Variants in MFSD8 observed in about 807,000 individuals in gnomAD.
The protein encoded by MFSD8 is major facilitator superfamily domain containing 8.
In MFSD8, 55 loss-of-function variants were observed where a neutral mutation model predicts 66.4. The observed-to-expected ratio is 0.83, with a 90% CI of 0.67 to 1.04. MFSD8 has a LOEUF of 1.04. Ranked by LOEUF, MFSD8 falls within the 50% of genes least tolerant of loss-of-function variation. MFSD8 has a pLI of 0.00. For synonymous variants in MFSD8, 202 were observed against 212.8 expected, an observed-to-expected ratio of 0.95 and a Z score of 0.44; for missense variants, 550 against 627.6, an observed-to-expected ratio of 0.88 and a Z score of 1.32.
At chr4:127,924,760 C>T (rs564460925) in intron 9 of MFSD8, among the ~76,000 whole-genome samples, 2 of 152,264 alleles carry the variant, frequency 1.3e-5, no homozygotes, top group African/African-American at 4.8e-5. Context: ...TCATACGGAA[C>T]CAAAACAGAG....
At chr4:127,926,068 C>G (rs1382542754) in intron 9 of MFSD8, among the ~76,000 whole-genome samples, 1 of 151,642 alleles carries the variant, frequency 6.6e-6, no homozygotes, top group East Asian at 2.0e-4. Context: ...GGGAACATCA[C>G]ACACAGGGGC....
chr4:127,930,730 C>A lies in MFSD8; in HGVS notation c.951G>T (p.Gly317=). 2 of 1,613,470 alleles carry A rather than the reference C, an allele frequency of 1.2e-6. No individual in the cohort carries two copies. Among genetic ancestry groups the A allele is most frequent in the Non-Finnish European group, 1.7e-6 (2 of 1,179,766 alleles). Reference sequence around the variant, plus strand: ...CTAAGAAAATAACAACGGCTTCAACCCCAAGAGCAGCAAGTATTATGCCAT... The same window carrying A: ...CTAAGAAAATAACAACGGCTTCAACACCAAGAGCAGCAAGTATTATGCCAT... ...LYNGIILAAL[G]VEAVVIFLGV... The change falls in exon 9 of 12, where the codon GGG becomes GGT. Residue 317 remains glycine, a synonymous_variant. Coordinates refer to ENST00000641686, the MANE Select transcript of MFSD8 (RefSeq NM_001371596.2).
chr4:127,958,403 A>C (rs1194101360), intron 1 of MFSD8, among the ~76,000 whole-genome samples: 1 of 152,182 alleles, frequency 6.6e-6, no homozygotes, highest in African/African-American at 2.4e-5. Context: ...ATGTTCCAAG[A>C]TTAATTTCTT....
chr4:127,940,534 A>ATG (rs1739998594), intron 5 of MFSD8, among the ~76,000 whole-genome samples: 1 of 145,766 alleles, frequency 6.9e-6, no homozygotes, highest in African/African-American at 2.6e-5. Flanking sequence ...ATATATATAT[A>ATG]TATATGTGTG....
At position 127,920,180 on chromosome 4, in the gene MFSD8, T is replaced by C. The variant is rs1368572334; in HGVS notation, c.*450A>G. ...AATGCATTTTTTTATAAATAAAAAG[T>C]AGGTGTCTGAATAAAAATACCTCTA... On this transcript the variant is annotated 3_prime_UTR_variant, in exon 12 of 12. Coordinates refer to ENST00000641686, the MANE Select transcript of MFSD8 (RefSeq NM_001371596.2). The C allele has an allele frequency of 1.3e-5, 2 of 158,328 alleles. No individual in the cohort carries two copies. Among genetic ancestry groups the C allele is most frequent in the Non-Finnish European group, 2.8e-5 (2 of 71,778 alleles). The allele number at this position is 158,328 out of a possible 1,614,324, so 9.8% of individuals were successfully genotyped here. A position where few individuals can be genotyped will look rare whatever the true frequency, so the allele number is the denominator to read the frequency against.
At chr4:127,939,601 T>C (rs1739762319) in intron 6 of MFSD8, 4 of 249,328 alleles carry the variant, frequency 1.6e-5, no homozygotes, top group South Asian at 1.5e-4. Flanking sequence ...TAAGATCTTG[T>C]CTCAAAAAAA....
chr4:127,930,045 A>G (rs188412359), intron 9 of MFSD8, among the ~76,000 whole-genome samples: 43 of 152,312 alleles, frequency 2.8e-4, no homozygotes, highest in African/African-American at 9.4e-4. Flanking sequence ...GAATGAGACT[A>G]GCCTGGGCAA....
chr4:127,922,515 C>G (rs1313437716), intron 9 of MFSD8, among the ~76,000 whole-genome samples: 1 of 151,756 alleles, frequency 6.6e-6, no homozygotes, highest in East Asian at 1.9e-4. Context: ...GTTCTAGCTA[C>G]TTAGGAGGTT....
chr4:127,953,551 T>G (rs938704665), intron 2 of MFSD8, among the ~76,000 whole-genome samples: 3 of 135,014 alleles, frequency 2.2e-5, no homozygotes, highest in Non-Finnish European at 3.2e-5. Flanking sequence ...CTGTTTTTTT[T>G]TTTTTTTTTT....
chr4:127,964,770 TGTGAGGACTGCCAGCA>T lies in MFSD8; in HGVS notation c.62+286_62+301del, dbSNP rs1352929141. ...GGAGGCCTGGAGAGCGAGCAAGGGC[TGTGAGGACTGCCAGCA>T]CGCTGTCACCTCTCAGCTTGGGTGC... is the stretch of plus-strand genomic sequence containing the variant. On this transcript the variant is annotated intron_variant, in intron 1 of 11. Coordinates refer to ENST00000641686, the MANE Select transcript of MFSD8 (RefSeq NM_001371596.2). The T allele has an allele frequency of 9.4e-6, 5 of 532,234 alleles. No individual in the cohort carries two copies. In the East Asian group the frequency reaches 1.7e-4, roughly 18 times the overall value. The allele number at this position is 532,234 out of a possible 1,614,324, so 33.0% of individuals were successfully genotyped here.
intron 7 of MFSD8, among the ~76,000 whole-genome samples, chr4:127,936,901 A>C (rs1441609343): frequency 2.0e-5 from 3 of 152,092 alleles, no homozygotes; most frequent in African/African-American, 7.2e-5. Context: ...TGATTTTTAC[A>C]TATCTTCCCT....
intron 2 of MFSD8, among the ~76,000 whole-genome samples, chr4:127,956,579 G>A (rs1742921241): frequency 6.6e-6 from 1 of 151,838 alleles, no homozygotes; most frequent in South Asian, 2.1e-4. Flanking sequence ...AGCACTTTGG[G>A]AGGCCGAGGT....
chr4:127,924,971 G>A (rs999362057), intron 9 of MFSD8, among the ~76,000 whole-genome samples: 1 of 152,056 alleles, frequency 6.6e-6, no homozygotes, highest in Non-Finnish European at 1.5e-5. Context: ...TGACAAACCT[G>A]ACAAAAACAA....
intron 3 of MFSD8, among the ~76,000 whole-genome samples, chr4:127,949,239 T>C (rs575210236): frequency 1.3e-5 from 2 of 152,338 alleles, no homozygotes; most frequent in East Asian, 3.9e-4. Context: ...GTTAAGTTTC[T>C]TCCTGGAGAT....
intron 11 of MFSD8, chr4:127,921,254 G>A (rs1736301704): frequency 1.6e-6 from 1 of 612,432 alleles, no homozygotes. Flanking sequence ...TTGTTCAAGA[G>A]GTTTGAAGCC....
Position 127,938,767 on chromosome 4 carries a change from A to T in MFSD8, c.754+16T>A. On this transcript the variant is annotated intron_variant, in intron 7 of 11. Transcript: ENST00000641686. ...TGATAATGTTATATTAATTCAGCCA[A>T]ATGGGTTAAAAGTACCTTCTTCAAA... 2 of 1,594,458 alleles carry T rather than the reference A, an allele frequency of 1.3e-6. No homozygotes were observed. Among genetic ancestry groups the T allele is most frequent in the Non-Finnish European group, 1.7e-6 (2 of 1,163,402 alleles).
At chr4:127,927,525 G>C (rs113780268) in intron 9 of MFSD8, among the ~76,000 whole-genome samples, 25 of 152,260 alleles carry the variant, frequency 1.6e-4, no homozygotes, top group African/African-American at 5.5e-4. Flanking sequence ...CAGTTTATCA[G>C]GATGTAGCCC....
chr4:127,962,307 A>C (rs1413482897), intron 1 of MFSD8, among the ~76,000 whole-genome samples: 2 of 152,056 alleles, frequency 1.3e-5, no homozygotes, highest in Non-Finnish European at 2.9e-5. Context: ...TCTTTACCAA[A>C]AATACAAAAA....
In MFSD8 at chr4:127,943,848, C is replaced by T. The variant is rs183450731; in HGVS notation, c.343G>A (p.Val115Met). The T allele has an allele frequency of 5.5e-5, 88 of 1,614,054 alleles. No individual in the cohort carries two copies. The East Asian group carries it at 8.5e-4, about 16-fold the overall frequency. The change falls in exon 4 of 12, where the codon GTG (valine) becomes ATG (methionine). Residue 115 changes from valine (V) to methionine (M), a missense_variant. By Grantham distance (21) the Val-to-Met change is conservative (BLOSUM62 1). Transcript: ENST00000641686. ...TATGCATAGAGGCAGTTGGCTGCCA[C>T]GGAAATCAAGATGGAGACAATAAGA... The part of the protein sequence containing the change: ...EPLIVSILIS[V>M]AANCLYAYLH...
Sources: allele counts gnomAD v4.1 joint callset (sites outside exome capture counted in the v4.1 genomes callset), GRCh38; gene constraint gnomAD v4.1.1; transcripts MANE v1.5; gene names NCBI Gene and HGNC (gene_info 2026-07-23, HGNC 2026-07-21).